The following C2CD5 variants were observed in gnomAD, a reference collection of about 807,000 sequenced individuals.
The protein encoded by C2CD5 is C2 calcium dependent domain containing 5.
C2CD5 carries 109 observed loss-of-function variants against 130.3 expected under a neutral mutation model. The ratio of observed to expected loss-of-function variants is 0.84; its 90% CI spans 0.72 to 0.98. The LOEUF is 0.98. C2CD5 is among the 50% of genes least tolerant of loss of function. C2CD5 has a pLI of 0.00. For synonymous variants in C2CD5, 454 were observed against 429.2 expected, an observed-to-expected ratio of 1.06 and a Z score of -0.71; for missense variants, 996 against 1,261.8, an observed-to-expected ratio of 0.79 and a Z score of 3.19.
At chr12:22,472,152 C>T in intron 18 of C2CD5, 87 bp from the exon 19 acceptor site, 3 of 888,696 alleles carry the variant, frequency 3.4e-6, no homozygotes, top group East Asian at 5.2e-5. Context: ...ATGAACAATA[C>T]TAACTAATGT....
chr12:22,539,720 G>A (rs1434688350), intron 2 of C2CD5, among the ~76,000 whole-genome samples: 1 of 152,178 alleles, frequency 6.6e-6, no homozygotes, highest in African/African-American at 2.4e-5. Flanking sequence ...AAGACCAGGT[G>A]TGGTGGCTCA....
At position 22,484,809 on chromosome 12, in the gene C2CD5, G is replaced by C. The variant is rs751153420; in HGVS notation, c.1438C>G (p.Leu480Val). The C allele has an allele frequency of 1.5e-5, 24 of 1,609,122 alleles. No individual in the cohort carries two copies. The highest frequency in any genetic ancestry group is 3.4e-6 in the Non-Finnish European group (4 of 1,177,054). ...DELNMPFPAHLTYCYNCRKQK... is the reference protein window; with the variant it reads ...DELNMPFPAHVTYCYNCRKQK... The stretch of plus-strand genomic sequence containing the variant: ...TTCCTGCAGTTATAGCAATATGTGA[G>C]ATGAGCTGGAAATGGCATATTCAGT... The change falls in exon 13 of 27, where the codon CTC (leucine) becomes GTC (valine). Residue 480 changes from leucine to valine, a missense_variant. Leu to Val is a conservative substitution (Grantham distance 32). This residue lies in a region of C2CD5 where 590 missense variants were observed against 631.4 expected (regional missense o/e 0.93). Transcript: ENST00000446597.
rs377377858 is a variant in C2CD5 at position 22,510,073 on chromosome 12, C to T, written c.1038+3221G>A. Among the ~76,000 whole-genome samples, 35 of 152,214 alleles carry T rather than the reference C, an allele frequency of 2.3e-4. No homozygotes were observed. In the East Asian group the frequency reaches 3.3e-3, roughly 14 times the overall value. ...TACAAAAATTAGCCAGTTGTAGTGG[C>T]GGACGCCTGTAATCCCAGCTACTCA... On this transcript the variant is annotated intron_variant, in intron 9 of 26. Transcript: ENST00000446597.
At chr12:22,488,295 G>A (rs903970287) in intron 12 of C2CD5, among the ~76,000 whole-genome samples, 4 of 152,120 alleles carry the variant, frequency 2.6e-5, no homozygotes, top group South Asian at 2.1e-4. Flanking sequence ...AAGGCAAGAC[G>A]TAGGAAATCT....
At chr12:22,472,670 G>T in intron 17 of C2CD5, 74 bp downstream of exon 17, 1 of 868,290 alleles carries the variant, frequency 1.2e-6, no homozygotes, top group Non-Finnish European at 2.0e-6. Flanking sequence ...AGTAAAATTA[G>T]TACTGTAACA....
chr12:22,496,243 G>A (rs939649233), intron 10 of C2CD5, among the ~76,000 whole-genome samples: 8 of 151,980 alleles, frequency 5.3e-5, no homozygotes, highest in Non-Finnish European at 8.8e-5. Flanking sequence ...TAAAAATTCA[G>A]AGATATCACA....
At chr12:22,510,514 A>C (rs1949070360) in intron 9 of C2CD5, among the ~76,000 whole-genome samples, 1 of 152,222 alleles carries the variant, frequency 6.6e-6, no homozygotes, top group African/African-American at 2.4e-5. Context: ...AGCTATTTAA[A>C]TAGTTTATTC....
intron 26 of C2CD5, among the ~76,000 whole-genome samples, chr12:22,452,906 T>C (rs1939011221): frequency 1.3e-5 from 2 of 152,266 alleles, no homozygotes; most frequent in South Asian, 4.1e-4. Context: ...ATCTCTTAAA[T>C]AAAGCTAAAA....
intron 10 of C2CD5, among the ~76,000 whole-genome samples, chr12:22,505,507 A>G (rs1948413483): frequency 6.6e-6 from 1 of 152,114 alleles, no homozygotes; most frequent in African/African-American, 2.4e-5. Flanking sequence ...AAGCCTCACA[A>G]AGAGGTCACT....
intron 7 of C2CD5, among the ~76,000 whole-genome samples, chr12:22,522,228 T>A (rs1591972768): frequency 6.6e-6 from 1 of 151,944 alleles, no homozygotes; most frequent in South Asian, 2.1e-4. Flanking sequence ...TCTAGATGAG[T>A]GGTCTTCAAC....
In C2CD5 at chr12:22,513,312, T is replaced by C. The variant is rs1350576240; in HGVS notation, c.1020A>G (p.Gln340=). 2 of 1,609,788 alleles carry C rather than the reference T, an allele frequency of 1.2e-6. No homozygotes were observed. Among genetic ancestry groups the C allele is most frequent in the East Asian group, 4.5e-5 (2 of 44,786 alleles). The change falls in exon 9 of 27, where the codon CAA becomes CAG. Residue 340 remains glutamine (Q), a synonymous_variant. Transcript: ENST00000446597. ...ATCTTACCCTCTGTTCCAACGCTGA[T>C]TGAGTCTGTTGTCTTAAAAGAGCTT... ...PFKALLRQQT[Q]SALEQREFPF...
At chr12:22,457,792 G>A (rs1202079450) in intron 24 of C2CD5, among the ~76,000 whole-genome samples, 3 of 151,912 alleles carry the variant, frequency 2.0e-5, no homozygotes, top group African/African-American at 7.3e-5. Flanking sequence ...AAAAACACAG[G>A]TTATCATCAT....
rs77507645 is a variant in C2CD5 at position 22,462,701 on chromosome 12, G to A, written c.2534-3159C>T. Among the ~76,000 whole-genome samples, 127 of 152,260 alleles carry A rather than the reference G, an allele frequency of 8.3e-4. 1 individual carries two copies. The highest frequency in any genetic ancestry group is 3.0e-3 in the African/African-American group (125 of 41,542). On this transcript the variant is annotated intron_variant, in intron 22 of 26. Coordinates refer to ENST00000446597, the MANE Select transcript of C2CD5 (RefSeq NM_001286176.2). ...TCTAAATAACTTGTCGTAACCAATG[G>A]CAAAGGTATTCGTTAGCTGCAGCGA... is the stretch of plus-strand genomic sequence containing the variant.
At chr12:22,507,819 T>A (rs1948739119) in intron 9 of C2CD5, among the ~76,000 whole-genome samples, 1 of 152,122 alleles carries the variant, frequency 6.6e-6, no homozygotes, top group African/African-American at 2.4e-5. Flanking sequence ...CTCTCAACGG[T>A]CAAAAGAACT....
chr12:22,465,645 T>C (rs1415477651), intron 22 of C2CD5, among the ~76,000 whole-genome samples: 1 of 152,026 alleles, frequency 6.6e-6, no homozygotes, highest in Non-Finnish European at 1.5e-5. Flanking sequence ...TTCCCCCCCA[T>C]TTTGCTCATT....
At chr12:22,489,955 CCT>C (rs2136424793) in intron 12 of C2CD5, among the ~76,000 whole-genome samples, 166 bp downstream of exon 12, 1 of 152,242 alleles carries the variant, frequency 6.6e-6, no homozygotes, top group South Asian at 2.1e-4. Flanking sequence ...ATCCAATACT[CCT>C]CTGTTACTAC....
chr12:22,482,892 T>C, intron 13 of C2CD5, 149 bp from the exon 14 acceptor site: 1 of 633,974 alleles, frequency 1.6e-6, no homozygotes, highest in Non-Finnish European at 2.7e-6. Context: ...GTTCTGCTTT[T>C]TGTCATTGTA....
chr12:22,512,630 A>G (rs1223384175), intron 9 of C2CD5: 2 of 1,475,002 alleles, frequency 1.4e-6, no homozygotes, highest in Non-Finnish European at 9.0e-7. Context: ...GCTCTCACAC[A>G]TTTTTCAGAA....
chr12:22,471,561 C>A, intron 19 of C2CD5, 73 bp from the exon 20 acceptor site: 1 of 795,022 alleles, frequency 1.3e-6, no homozygotes, highest in South Asian at 2.2e-5. Context: ...TTTTAATGTA[C>A]ATTATATTAT....
Sources: allele counts gnomAD v4.1 joint callset (sites outside exome capture counted in the v4.1 genomes callset), GRCh38; gene constraint gnomAD v4.1.1; regional missense constraint gnomAD v4.1.1; transcripts MANE v1.5; gene names NCBI Gene and HGNC (gene_info 2026-07-23, HGNC 2026-07-21).